The following PARP14 variants were observed in gnomAD, a reference collection of about 807,000 sequenced individuals.
PARP14 encodes poly(ADP-ribose) polymerase family member 14.
PARP14 carries 59 observed loss-of-function variants against 154.2 expected under a neutral mutation model. The observed-to-expected ratio is 0.38, with a 90% CI of 0.31 to 0.48. The LOEUF (loss-of-function observed/expected upper bound fraction) is 0.48, where lower values mean the gene tolerates loss of function less well. Ranked by LOEUF, PARP14 falls within the 20% of genes least tolerant of loss-of-function variation. The probability of loss-of-function intolerance (pLI) is 0.98; values close to 1 mark genes in which losing one functional copy is unlikely to be tolerated. For missense variants in PARP14, 1,734 were observed against 2,131.6 expected (o/e 0.81, Z 3.67); for synonymous variants, 720 against 780.5 (o/e 0.92, Z 1.29).
intron 5 of PARP14, among the ~76,000 whole-genome samples, chr3:122,699,078 A>G (rs986156998): frequency 2.5e-4 from 38 of 152,248 alleles, no homozygotes; most frequent in African/African-American, 9.2e-4. Flanking sequence ...TAATTATTCC[A>G]TTCAATAAGG....
At chr3:122,694,639 C>T (rs928044436) in intron 4 of PARP14, among the ~76,000 whole-genome samples, 2 of 152,170 alleles carry the variant, frequency 1.3e-5, no homozygotes, top group Non-Finnish European at 2.9e-5. Flanking sequence ...CCTGCCTCAA[C>T]TTCCTGAGTA....
In PARP14 at chr3:122,725,730, C is replaced by A. The variant is rs184632051; in HGVS notation, c.4942-2082C>A. Among the ~76,000 whole-genome samples, 183 of 152,280 alleles carry A rather than the reference C, an allele frequency of 1.2e-3. 1 individual carries two copies. Among genetic ancestry groups the A allele is most frequent in the African/African-American group, 4.2e-3 (173 of 41,560 alleles). ...ATACTTGAGTTTTGCTTTTCATCAT[C>A]CAGCCTGACAATCTTTTATCTTTTA... is the stretch of plus-strand genomic sequence containing the variant. On this transcript the variant is annotated intron_variant, in intron 15 of 16. Coordinates refer to ENST00000474629, the MANE Select transcript of PARP14 (RefSeq NM_017554.3).
chr3:122,711,153 C>G (rs1939309493), intron 9 of PARP14, among the ~76,000 whole-genome samples: 1 of 152,126 alleles, frequency 6.6e-6, no homozygotes. Context: ...AGTGGGCATC[C>G]TTGTCTTGTT....
intron 3 of PARP14, 86 bp from the exon 4 acceptor site, chr3:122,692,215 G>T: frequency 8.9e-7 from 1 of 1,124,084 alleles, no homozygotes; most frequent in South Asian, 1.6e-5. Flanking sequence ...CAAGGAGAGA[G>T]GGCAGTGCCT....
At chr3:122,703,690 G>T in intron 6 of PARP14, 52 bp from the exon 7 acceptor site, 1 of 1,103,082 alleles carries the variant, frequency 9.1e-7, no homozygotes, top group South Asian at 1.6e-5. Context: ...AGTAATCATT[G>T]ATGAATGCTT....
chr3:122,717,633 T>C (rs558056900), intron 12 of PARP14, among the ~76,000 whole-genome samples: 9 of 152,366 alleles, frequency 5.9e-5, no homozygotes, highest in Non-Finnish European at 1.0e-4. Flanking sequence ...AATCAAGTGA[T>C]GACTGATCCT....
rs970731446 is a variant in PARP14 at position 122,695,039 on chromosome 3, G to A, written c.599-387G>A. Among the ~76,000 whole-genome samples the A allele has an allele frequency of 1.1e-4, 16 of 152,170 alleles. No homozygotes were observed. The East Asian group carries it at 2.7e-3, about 26-fold the overall frequency. On this transcript the variant is annotated intron_variant, in intron 4 of 16. Coordinates refer to ENST00000474629, the MANE Select transcript of PARP14 (RefSeq NM_017554.3). ...AAGGTGATGCTTGGAAATTAGTTTC[G>A]AGTCACATCACCAAGGGCATTGTAC...
chr3:122,701,096 G>A lies in PARP14; in HGVS notation c.2542G>A (p.Asp848Asn). 7 of 1,613,986 alleles carry A rather than the reference G, an allele frequency of 4.3e-6. No individual in the cohort carries two copies. The highest frequency in any genetic ancestry group is 3.3e-5 in the Admixed American group (2 of 60,030). Reference sequence around the variant, plus strand: ...AGCAGCTGGCCCTGAGCTCCAGGCCGACTGTGACCAGATAGTGAAGAGAGA... The same window carrying A: ...AGCAGCTGGCCCTGAGCTCCAGGCCAACTGTGACCAGATAGTGAAGAGAGA... The part of the protein sequence containing the change: ...SKAAGPELQA[D>N]CDQIVKREGR... The change falls in exon 6 of 17, where the codon GAC becomes AAC. Residue 848 changes from aspartate (D) to asparagine (N), a missense_variant. By Grantham distance (23) the Asp-to-Asn change is conservative. Around this residue, in one of 2 missense-constraint regions of PARP14, gnomAD observed 1,646 missense variants for 1,976.0 expected, o/e 0.83. Transcript: ENST00000474629. The surrounding 1 kb of genome is among the most constrained non-coding windows in gnomAD (Gnocchi z 4.0).
In PARP14 at chr3:122,713,466, A is replaced by G; in HGVS notation, c.3662A>G (p.Glu1221Gly). ...TVSSPDSGVY[E>G]MKIGSIIFQV... The stretch of plus-strand genomic sequence containing the variant: ...TCTAGCCCTGATTCAGGTGTGTATG[A>G]AATGAAGATTGGCTCCATCATCTTC... Residue 1221 changes from glutamate to glycine, a missense_variant, in exon 10 of 17, where the codon GAA becomes GGA. Coordinates refer to ENST00000474629, the MANE Select transcript of PARP14 (RefSeq NM_017554.3). 6.2e-7 allele frequency: 1 copy of G among 1,613,610 alleles called. No individual in the cohort carries two copies.
In PARP14 at chr3:122,701,674, GACTTT is replaced by G. The variant is rs1938984738; in HGVS notation, c.3081+44_3081+48del. The G allele has an allele frequency of 7.1e-7, 1 of 1,412,984 alleles. No homozygotes were observed. The highest frequency in any genetic ancestry group is 1.4e-5 in the South Asian group (1 of 73,332). 87.5% of individuals were successfully genotyped at this position (1,412,984 alleles called of 1,614,324 possible). ...TTACAGAACACCACCAGGGCACTGTGACTTTACTTAGTCAGTGGCTCTCTCATGGA... is the reference window on the plus strand; with the variant it reads ...TTACAGAACACCACCAGGGCACTGTGACTTAGTCAGTGGCTCTCTCATGGA... On this transcript the variant is annotated intron_variant, in intron 6 of 16. Transcript: ENST00000474629. This position sits in a 1 kb window ranked among gnomAD's most constrained non-coding sequence, Gnocchi z 4.0.
chr3:122,729,497 C>T lies in PARP14; in HGVS notation c.*900C>T, dbSNP rs140723766. Reference sequence around the variant, plus strand: ...TTGCCCAGGCTGGAGTGCAATGGCGCGATCTCAGCTCACTGCAGCCACTGC... The same window carrying T: ...TTGCCCAGGCTGGAGTGCAATGGCGTGATCTCAGCTCACTGCAGCCACTGC... On this transcript the variant is annotated 3_prime_UTR_variant, in exon 17 of 17. Coordinates refer to ENST00000474629, the MANE Select transcript of PARP14 (RefSeq NM_017554.3). 2,083 of 151,088 alleles carry T rather than the reference C, an allele frequency of 0.014. 17 individuals carry two copies. The highest frequency in any genetic ancestry group is 0.043 in the South Asian group (204 of 4,768). 9.4% of individuals were successfully genotyped at this position (151,088 alleles called of 1,614,324 possible). A position where few individuals can be genotyped will look rare whatever the true frequency, so the allele number is the denominator to read the frequency against.
At chr3:122,726,367 G>C (rs1014300848) in intron 15 of PARP14, among the ~76,000 whole-genome samples, 1 of 152,140 alleles carries the variant, frequency 6.6e-6, no homozygotes, top group Non-Finnish European at 1.5e-5. Flanking sequence ...ATAGAAGTTT[G>C]GATGGCAATT....
At position 122,695,592 on chromosome 3, in the gene PARP14, G is replaced by C; in HGVS notation, c.765G>C (p.Gly255=). 1 of 1,611,006 alleles carries C rather than the reference G, an allele frequency of 6.2e-7. No homozygotes were observed. The highest frequency in any genetic ancestry group is 8.5e-7 in the Non-Finnish European group (1 of 1,177,634). ...TCTTTGAAAATCCCTATAATGGAGGGGGAAGAGTTGCCAATGTTGAATATT... is the reference window on the plus strand; with the variant it reads ...TCTTTGAAAATCCCTATAATGGAGGCGGAAGAGTTGCCAATGTTGAATATT... ...KLFFENPYNG[G]GRVANVEYFP... The change falls in exon 5 of 17, where the codon GGG becomes GGC. Residue 255 remains glycine, a synonymous_variant. Transcript: ENST00000474629.
At chr3:122,702,743 T>C (rs1012637194) in intron 6 of PARP14, among the ~76,000 whole-genome samples, 2 of 152,088 alleles carry the variant, frequency 1.3e-5, no homozygotes, top group Non-Finnish European at 2.9e-5. Context: ...GTGTCTCATT[T>C]TAAAAAATTA....
chr3:122,682,628 G>T (rs901277568), intron 1 of PARP14, among the ~76,000 whole-genome samples: 1 of 152,176 alleles, frequency 6.6e-6, no homozygotes, highest in Non-Finnish European at 1.5e-5. Flanking sequence ...AAGCAGAAAA[G>T]ATTTCAGTCT....
intron 4 of PARP14, among the ~76,000 whole-genome samples, chr3:122,695,107 G>A (rs1938730492): frequency 6.6e-6 from 1 of 152,330 alleles, no homozygotes; most frequent in East Asian, 1.9e-4. Flanking sequence ...CAGGTAATGG[G>A]GAGCCATTGA....
intron 7 of PARP14, among the ~76,000 whole-genome samples, 190 bp downstream of exon 7, chr3:122,704,168 A>G (rs906002611): frequency 5.5e-4 from 83 of 152,224 alleles, no homozygotes; most frequent in African/African-American, 1.9e-3. Context: ...AGTTAATACT[A>G]TAAATGGATT....
In PARP14 at chr3:122,681,252, C is replaced by A. The variant is rs972409139; in HGVS notation, c.187+182C>A. 2.6e-5 allele frequency among the ~76,000 whole-genome samples: 4 copies of A among 151,544 alleles called. No homozygotes were observed. Among genetic ancestry groups the A allele is most frequent in the Non-Finnish European group, 5.9e-5 (4 of 67,846 alleles). On this transcript the variant is annotated intron_variant, in intron 1 of 16. Coordinates refer to ENST00000474629, the MANE Select transcript of PARP14 (RefSeq NM_017554.3). The surrounding 1 kb of genome is among the most constrained non-coding windows in gnomAD (Gnocchi z 5.5). ...GATTCCGAGCGCACCCGGGGCGCTG[C>A]GGTTCCCCGGCGCCCTGCGCTTCCA...
chr3:122,688,441 A>G (rs555830910), intron 3 of PARP14, among the ~76,000 whole-genome samples: 2 of 152,052 alleles, frequency 1.3e-5, no homozygotes, highest in Non-Finnish European at 2.9e-5. Context: ...CCACCAATAG[A>G]CTTTTCATTG....
Sources: allele counts gnomAD v4.1 joint callset (sites outside exome capture counted in the v4.1 genomes callset), GRCh38; gene constraint gnomAD v4.1.1; regional missense constraint gnomAD v4.1.1; non-coding constraint Gnocchi (gnomAD v3.1); transcripts MANE v1.5; gene names NCBI Gene and HGNC (gene_info 2026-07-23, HGNC 2026-07-21).